The following LINGO2 variants were observed in gnomAD, a reference collection of about 807,000 sequenced individuals.
LINGO2 encodes leucine-rich repeat and immunoglobulin-like domain-containing nogo receptor-interacting protein 2.
LINGO2 carries 14 observed loss-of-function variants against 30.6 expected under a neutral mutation model. That is an observed-to-expected ratio of 0.46 (90% CI 0.30 to 0.72). LINGO2 has a LOEUF of 0.72. LINGO2 is among the 30% of genes least tolerant of loss of function. LINGO2 has a pLI of 0.07. For missense variants in LINGO2, 729 were observed against 751.7 expected (o/e 0.97, Z 0.35); for synonymous variants, 317 against 288.5 (o/e 1.10, Z -1.00).
the LINGO2 span, among the ~76,000 whole-genome samples, chr9:28,714,186 T>TAC: frequency 1.1e-5 from 1 of 91,926 alleles, no homozygotes; most frequent in Admixed American, 1.2e-4. Context: ...TATATATATA[T>TAC]ATACACACAT....
chr9:28,442,161 T>A (rs575010936), intron 2 of LINGO2, among the ~76,000 whole-genome samples: 3 of 152,202 alleles, frequency 2.0e-5, no homozygotes, highest in Admixed American at 2.0e-4. Context: ...AAAAAAAAGT[T>A]TCCTATTTGT....
At chr9:28,918,554 T>C in the LINGO2 span, among the ~76,000 whole-genome samples, 1 of 152,182 alleles carries the variant, frequency 6.6e-6, no homozygotes, top group African/African-American at 2.4e-5. Flanking sequence ...GACCCATCAA[T>C]GGAACATCTG....
the LINGO2 span, among the ~76,000 whole-genome samples, chr9:28,689,125 T>C: frequency 2.6e-5 from 4 of 152,164 alleles, no homozygotes; most frequent in Non-Finnish European, 5.9e-5. Flanking sequence ...GTCCTTTTCA[T>C]ACAGATGAAG....
At chr9:28,035,430 T>G (rs1320755281) in intron 4 of LINGO2, among the ~76,000 whole-genome samples, 1 of 152,236 alleles carries the variant, frequency 6.6e-6, no homozygotes, top group Non-Finnish European at 1.5e-5. Context: ...ACAGTTAATA[T>G]GACTACCTCA....
At chr9:28,713,469 C>G in the LINGO2 span, among the ~76,000 whole-genome samples, 51,338 of 151,794 alleles carry the variant, frequency 0.34, 9,271 homozygotes, top group Admixed American at 0.46. Flanking sequence ...GCCAAAAGAA[C>G]GTGAGCAAAA....
chr9:27,981,477 T>A (rs1820850690), intron 5 of LINGO2, among the ~76,000 whole-genome samples: 1 of 145,586 alleles, frequency 6.9e-6, no homozygotes, highest in African/African-American at 2.6e-5. Flanking sequence ...GAGGGTTATT[T>A]TGAAGTATGG....
At chr9:28,544,171 C>G (rs1232076058) in intron 1 of LINGO2, among the ~76,000 whole-genome samples, 1 of 151,788 alleles carries the variant, frequency 6.6e-6, no homozygotes, top group Non-Finnish European at 1.5e-5. Context: ...CCACTGCACT[C>G]CAGTCTGGGC....
At chr9:29,150,614 T>G in the LINGO2 span, among the ~76,000 whole-genome samples, 1 of 152,106 alleles carries the variant, frequency 6.6e-6, no homozygotes, top group African/African-American at 2.4e-5. Context: ...CGGCAAGAAC[T>G]TAATAATACA....
the LINGO2 span, among the ~76,000 whole-genome samples, chr9:28,984,683 G>A: frequency 1.3e-5 from 2 of 151,626 alleles, no homozygotes; most frequent in African/African-American, 4.8e-5. Flanking sequence ...TGAAAAAGAG[G>A]GCTTCCTAAT....
chr9:28,633,585 GCAAA>G (rs138807050), intron 1 of LINGO2, among the ~76,000 whole-genome samples: 1 of 152,112 alleles, frequency 6.6e-6, no homozygotes, highest in Non-Finnish European at 1.5e-5. Flanking sequence ...ACTTTAATAA[GCAAA>G]CAAACAAACA....
At chr9:28,122,349 T>C (rs539742116) in intron 4 of LINGO2, among the ~76,000 whole-genome samples, 1 of 152,306 alleles carries the variant, frequency 6.6e-6, no homozygotes, top group Non-Finnish European at 1.5e-5. Flanking sequence ...GCTATGTATA[T>C]AAACACACGG....
chr9:28,545,835 T>A (rs1490337914), intron 1 of LINGO2, among the ~76,000 whole-genome samples: 1 of 152,086 alleles, frequency 6.6e-6, no homozygotes, highest in Non-Finnish European at 1.5e-5. Context: ...TCACTAATAT[T>A]TATTGAAGAT....
chr9:28,754,327 T>C, the LINGO2 span, among the ~76,000 whole-genome samples: 3 of 152,074 alleles, frequency 2.0e-5, no homozygotes, highest in Non-Finnish European at 2.9e-5. Context: ...GAGATCAAGA[T>C]TGTAACGCAT....
the LINGO2 span, among the ~76,000 whole-genome samples, chr9:29,021,677 AAAGAAAGGAAGGAAGG>A: frequency 0.029 from 3,430 of 117,058 alleles, 85 homozygotes; most frequent in Non-Finnish European, 0.032. Context: ...AGAAGAAAGA[AAAGAAAGGAAGGAAGG>A]AAGGAAGGAA....
chr9:28,722,457 C>T, the LINGO2 span, among the ~76,000 whole-genome samples: 1 of 152,038 alleles, frequency 6.6e-6, no homozygotes, highest in African/African-American at 2.4e-5. Flanking sequence ...TTCTCATAAC[C>T]ATACCCAATG....
At chr9:28,659,347 T>A (rs1828492563) in intron 1 of LINGO2, among the ~76,000 whole-genome samples, 1 of 152,068 alleles carries the variant, frequency 6.6e-6, no homozygotes, top group Admixed American at 6.6e-5. Flanking sequence ...TACAAATGCA[T>A]GACACTAAAG....
At chr9:28,428,372 C>T (rs939321964) in intron 2 of LINGO2, among the ~76,000 whole-genome samples, 2 of 152,102 alleles carry the variant, frequency 1.3e-5, no homozygotes, top group African/African-American at 2.4e-5. Flanking sequence ...CTGCCTTCAT[C>T]CTCTGGCTGA....
At chr9:28,779,939 T>C in the LINGO2 span, among the ~76,000 whole-genome samples, 2 of 152,034 alleles carry the variant, frequency 1.3e-5, no homozygotes, top group African/African-American at 4.8e-5. Flanking sequence ...ATATAGAAAA[T>C]ATAGGACAAA....
chr9:28,602,003 A>G (rs1398663476), intron 1 of LINGO2, among the ~76,000 whole-genome samples: 1 of 152,110 alleles, frequency 6.6e-6, no homozygotes, highest in Admixed American at 6.6e-5. Flanking sequence ...TTCTCAAGAA[A>G]CAGATTCTAA....
Sources: gnomAD v4.1 joint callset for allele counts (sites outside exome capture counted in the v4.1 genomes callset) on GRCh38, gnomAD v4.1.1 for gene constraint, MANE v1.5 for transcripts, NCBI Gene and HGNC (gene_info 2026-07-23, HGNC 2026-07-21) for gene names.